The following COL22A1 variants were observed in gnomAD, a reference collection of about 807,000 sequenced individuals.
The protein encoded by COL22A1 is collagen type XXII alpha 1 chain, also known as collagen alpha-1(XXII) chain.
A neutral mutation model predicts 248.9 loss-of-function variants in COL22A1; 221 were observed. The ratio of observed to expected loss-of-function variants is 0.89; its 90% CI spans 0.80 to 0.99. The LOEUF (loss-of-function observed/expected upper bound fraction) is 0.99. COL22A1 is among the 50% of genes least tolerant of loss of function. The probability of loss-of-function intolerance (pLI) is 0.00; values close to 1 mark genes in which losing one functional copy is unlikely to be tolerated. For synonymous variants in COL22A1, 891 were observed against 793.4 expected, an observed-to-expected ratio of 1.12 and a Z score of -2.07; for missense variants, 2,240 against 2,179.0, an observed-to-expected ratio of 1.03 and a Z score of -0.56.
At chr8:138,712,122 C>T (rs755724290) in intron 30 of COL22A1, among the ~76,000 whole-genome samples, 10 of 152,146 alleles carry the variant, frequency 6.6e-5, no homozygotes, top group Non-Finnish European at 1.2e-4. Flanking sequence ...AGTCATCCAC[C>T]AACAGGAAAT....
intron 30 of COL22A1, among the ~76,000 whole-genome samples, chr8:138,713,216 G>A (rs893699333): frequency 6.6e-6 from 1 of 152,132 alleles, no homozygotes; most frequent in African/African-American, 2.4e-5. Flanking sequence ...GACTCCTGGG[G>A]TGTGATGAGG....
chr8:138,677,621 T>C (rs1472522419), intron 40 of COL22A1, among the ~76,000 whole-genome samples: 3 of 152,272 alleles, frequency 2.0e-5, no homozygotes, highest in South Asian at 2.1e-4. Flanking sequence ...GGTTATTCCA[T>C]TGTGTGTTGA....
intron 21 of COL22A1, among the ~76,000 whole-genome samples, chr8:138,751,976 T>C (rs1222569368): frequency 3.3e-5 from 5 of 152,212 alleles, no homozygotes; most frequent in Non-Finnish European, 7.3e-5. Flanking sequence ...GAAAGATCAA[T>C]ATCAATTAAC....
intron 30 of COL22A1, among the ~76,000 whole-genome samples, chr8:138,712,883 G>C (rs1337052271): frequency 6.6e-6 from 1 of 151,626 alleles, no homozygotes; most frequent in Non-Finnish European, 1.5e-5. Flanking sequence ...CAAACAGAGA[G>C]TGAGGGTTCT....
chr8:138,850,120 T>C lies in COL22A1; in HGVS notation c.659-5962A>G, dbSNP rs142851865. Among the ~76,000 whole-genome samples the C allele has an allele frequency of 7.9e-5, 12 of 152,216 alleles. No homozygotes were observed. In the East Asian group the frequency reaches 2.1e-3, roughly 27 times the overall value. The stretch of plus-strand genomic sequence containing the variant: ...TGAAGACAACTCAGGGTTCAGACAT[T>C]GGGTTCTTATGCCCAGTTCCACCTC... On this transcript the variant is annotated intron_variant, in intron 3 of 64. Transcript: ENST00000303045.
intron 3 of COL22A1, among the ~76,000 whole-genome samples, chr8:138,876,457 C>CTG (rs1323963960): frequency 6.6e-6 from 1 of 152,204 alleles, no homozygotes; most frequent in African/African-American, 2.4e-5. Flanking sequence ...AGAATGGTTG[C>CTG]TGTGTCTTGT....
chr8:138,891,891 T>C (rs947929731), intron 1 of COL22A1, among the ~76,000 whole-genome samples: 1 of 152,220 alleles, frequency 6.6e-6, no homozygotes, highest in African/African-American at 2.4e-5. Context: ...AGTTAACCCC[T>C]GGGAGGGAAG....
intron 41 of COL22A1, among the ~76,000 whole-genome samples, chr8:138,675,320 T>G (rs1228886431): frequency 6.6e-6 from 1 of 152,154 alleles, no homozygotes; most frequent in Non-Finnish European, 1.5e-5. Context: ...AAGTAATATT[T>G]TGGGTAATAA....
Position 138,877,932 on chromosome 8 carries a change from A to G in COL22A1, c.476T>C (p.Leu159Pro). The G allele has an allele frequency of 6.2e-7, 1 of 1,605,540 alleles. No individual in the cohort carries two copies. The highest frequency in any genetic ancestry group is 8.5e-7 in the Non-Finnish European group (1 of 1,175,966). Residue 159 changes from leucine to proline, a missense_variant, in exon 3 of 65, where the codon CTG becomes CCG. By Grantham distance (98) the Leu-to-Pro change is moderately conservative. Transcript: ENST00000303045. Reference protein sequence around the residue: ...LTDGRSQDLVLDAAAAAHRAG... With the variant: ...LTDGRSQDLVPDAAAAAHRAG... ...GCGGTGGGCTGCCGCCGCGGCGTCC[A>G]GCACCAGGTCCTGGCTGCGGCCGTC... is the stretch of plus-strand genomic sequence containing the variant.
intron 2 of COL22A1, among the ~76,000 whole-genome samples, chr8:138,878,678 A>G (rs1586947922): frequency 6.6e-6 from 1 of 152,168 alleles, no homozygotes; most frequent in Non-Finnish European, 1.5e-5. Context: ...ATGTATGCCC[A>G]TTTCCAAGAA....
chr8:138,858,603 A>C (rs886287020), intron 3 of COL22A1, among the ~76,000 whole-genome samples: 6 of 152,002 alleles, frequency 3.9e-5, no homozygotes, highest in African/African-American at 9.7e-5. Context: ...CATTTCCCCA[A>C]ACCTAGTCAG....
At chr8:138,791,652 C>T (rs966560712) in intron 12 of COL22A1, among the ~76,000 whole-genome samples, 1 of 152,178 alleles carries the variant, frequency 6.6e-6, no homozygotes, top group African/African-American at 2.4e-5. Context: ...ATTTCCTGCA[C>T]ACTTGGCATC....
chr8:138,811,377 G>GTA (rs1056528045), intron 9 of COL22A1, among the ~76,000 whole-genome samples: 78 of 146,936 alleles, frequency 5.3e-4, no homozygotes, highest in African/African-American at 1.8e-3. Context: ...ATATACACGT[G>GTA]TATATATATA....
chr8:138,899,711 A>C (rs1814401783), intron 1 of COL22A1, among the ~76,000 whole-genome samples: 1 of 151,912 alleles, frequency 6.6e-6, no homozygotes, highest in Non-Finnish European at 1.5e-5. Flanking sequence ...TTTAGTAGAG[A>C]CGGGGTTTCA....
At chr8:138,797,003 T>C (rs905100012) in intron 11 of COL22A1, 146 bp from the exon 12 acceptor site, 5 of 695,376 alleles carry the variant, frequency 7.2e-6, no homozygotes, top group Non-Finnish European at 1.3e-5. Flanking sequence ...ATGGTGACTA[T>C]TGTTAACTGA....
At position 138,719,410 on chromosome 8, in the gene COL22A1, A is replaced by G. The variant is rs981725306; in HGVS notation, c.2355+1329T>C. On this transcript the variant is annotated intron_variant, in intron 27 of 64. Transcript: ENST00000303045. Reference sequence around the variant, plus strand: ...CTTATTGGTACACACTGGTACATTCATGGGGGCCATGAGGGCTGAGTTCCT... The same window carrying G: ...CTTATTGGTACACACTGGTACATTCGTGGGGGCCATGAGGGCTGAGTTCCT... Among the ~76,000 whole-genome samples the G allele has an allele frequency of 2.6e-5, 4 of 152,274 alleles. No homozygotes were observed. The South Asian group carries it at 8.3e-4, about 32-fold the overall frequency.
At chr8:138,897,800 G>GA (rs796683127) in intron 1 of COL22A1, among the ~76,000 whole-genome samples, 6,471 of 143,816 alleles carry the variant, frequency 0.045, 165 homozygotes, top group South Asian at 0.081. Flanking sequence ...AACAACAACA[G>GA]AAAAAAAAAA....
intron 41 of COL22A1, among the ~76,000 whole-genome samples, chr8:138,675,974 G>T (rs965535447): frequency 6.6e-6 from 1 of 152,160 alleles, no homozygotes; most frequent in Non-Finnish European, 1.5e-5. Context: ...CGAAGATATT[G>T]ATAGCAATCC....
chr8:138,826,715 G>A lies in COL22A1; in HGVS notation c.912C>T (p.Thr304=), dbSNP rs1417685771. ...AGATATACCAGTCTTCCTTCCGAGA[G>A]GTTTTCCTGAACCGGAAGGTTGTGA... The part of the protein sequence containing the change: ...AFVTTFRFRK[T]SRKEDWYIWQ... Residue 304 remains threonine, a synonymous_variant, in exon 6 of 65, where the codon ACC becomes ACT. Coordinates refer to ENST00000303045, the MANE Select transcript of COL22A1 (RefSeq NM_152888.3). 3 of 1,613,860 alleles carry A rather than the reference G, an allele frequency of 1.9e-6. No homozygotes were observed. The highest frequency in any genetic ancestry group is 1.3e-5 in the African/African-American group (1 of 74,894).
Sources: allele counts gnomAD v4.1 joint callset (sites outside exome capture counted in the v4.1 genomes callset), GRCh38; gene constraint gnomAD v4.1.1; transcripts MANE v1.5; gene names NCBI Gene and HGNC (gene_info 2026-07-23, HGNC 2026-07-21).